Variants in PTPRD observed in about 807,000 individuals in gnomAD.
The protein encoded by PTPRD is protein tyrosine phosphatase receptor type D.
A neutral mutation model predicts 214.5 loss-of-function variants in PTPRD; 34 were observed. The observed-to-expected ratio is 0.16, with a 90% CI of 0.12 to 0.21. PTPRD has a LOEUF of 0.21. PTPRD is among the 10% of genes least tolerant of loss of function. The pLI, the probability that PTPRD is intolerant of heterozygous loss-of-function variation, is 1.00. For missense variants in PTPRD, 2,545 were observed against 2,398.7 expected, an observed-to-expected ratio of 1.06 and a Z score of -1.27; for synonymous variants, 1,128 against 845.7, an observed-to-expected ratio of 1.33 and a Z score of -5.79.
At chr9:8,906,476 A>G (rs896673332) in intron 11 of PTPRD, among the ~76,000 whole-genome samples, 30 of 152,196 alleles carry the variant, frequency 2.0e-4, no homozygotes, top group African/African-American at 7.0e-4. Flanking sequence ...TATCTACCTC[A>G]AGAGGTGATC....
chr9:8,457,245 G>C (rs1020133602), intron 33 of PTPRD, among the ~76,000 whole-genome samples: 2 of 152,232 alleles, frequency 1.3e-5, no homozygotes, highest in African/African-American at 2.4e-5. Flanking sequence ...ACTGGGACTT[G>C]GATTCGGGTT....
At chr9:8,339,490 G>A (rs938313018) in intron 42 of PTPRD, among the ~76,000 whole-genome samples, 8 of 152,100 alleles carry the variant, frequency 5.3e-5, no homozygotes, top group East Asian at 1.9e-4. Context: ...AGAAACCTCC[G>A]AATTGATTTG....
At chr9:8,658,069 G>A (rs1043375772) in intron 12 of PTPRD, among the ~76,000 whole-genome samples, 19 of 152,076 alleles carry the variant, frequency 1.2e-4, no homozygotes, top group African/African-American at 2.9e-4. Context: ...ATCTCTCCCC[G>A]AAATAACTGA....
At chr9:9,472,960 ATTTC>A (rs910993554) in intron 8 of PTPRD, among the ~76,000 whole-genome samples, 20 of 152,154 alleles carry the variant, frequency 1.3e-4, no homozygotes, top group Non-Finnish European at 2.6e-4. Context: ...TATATTTATT[ATTTC>A]TTTGTGTTGT....
At chr9:10,535,780 A>G (rs1321869887) in intron 2 of PTPRD, among the ~76,000 whole-genome samples, 2 of 152,110 alleles carry the variant, frequency 1.3e-5, no homozygotes, top group Non-Finnish European at 2.9e-5. Context: ...TTGAAAATTG[A>G]TATCTAGCCT....
chr9:9,202,962 C>T (rs74654945), intron 9 of PTPRD, among the ~76,000 whole-genome samples: 3 of 152,178 alleles, frequency 2.0e-5, no homozygotes, highest in Admixed American at 6.6e-5. Flanking sequence ...TAATACATCA[C>T]CTTTGTTATC....
intron 5 of PTPRD, among the ~76,000 whole-genome samples, chr9:9,819,489 G>A (rs561821952): frequency 6.6e-6 from 1 of 152,124 alleles, no homozygotes; most frequent in Non-Finnish European, 1.5e-5. Context: ...TTACTTCTGT[G>A]AAGTTTTTAT....
At chr9:8,990,155 AAG>A (rs1415171664) in intron 11 of PTPRD, among the ~76,000 whole-genome samples, 8 of 152,254 alleles carry the variant, frequency 5.3e-5, no homozygotes, top group African/African-American at 1.9e-4. Context: ...CATGCACACT[AAG>A]AGTACAAGTT....
intron 7 of PTPRD, among the ~76,000 whole-genome samples, chr9:9,632,001 A>G (rs998568758): frequency 1.3e-5 from 2 of 152,212 alleles, no homozygotes; most frequent in Non-Finnish European, 2.9e-5. Context: ...AATAAAGTGA[A>G]TTTCTCAAAT....
chr9:10,002,203 T>A (rs1369963447), intron 4 of PTPRD, among the ~76,000 whole-genome samples: 1 of 150,362 alleles, frequency 6.7e-6, no homozygotes, highest in East Asian at 1.9e-4. Flanking sequence ...CAAACTGGTA[T>A]ACTAAAAATG....
At chr9:9,736,009 A>G (rs1436070413) in intron 6 of PTPRD, among the ~76,000 whole-genome samples, 1 of 152,134 alleles carries the variant, frequency 6.6e-6, no homozygotes, top group Admixed American at 6.5e-5. Flanking sequence ...GTTCTGTCAC[A>G]CTGGGTAAGT....
At chr9:8,410,175 T>C (rs891952391) in intron 35 of PTPRD, among the ~76,000 whole-genome samples, 1 of 152,254 alleles carries the variant, frequency 6.6e-6, no homozygotes, top group African/African-American at 2.4e-5. Flanking sequence ...TGGGAAGGGC[T>C]ATATTTTGCA....
chr9:10,300,188 G>A (rs1381162485), intron 3 of PTPRD, among the ~76,000 whole-genome samples: 1 of 152,174 alleles, frequency 6.6e-6, no homozygotes, highest in East Asian at 1.9e-4. Flanking sequence ...ACGTAGTATA[G>A]TTTATAGTTA....
rs1045656543 is a variant in PTPRD, at chr9:9,096,432, C to G, written c.-142-77697G>C. ...TGGAATGCGACATTTTGGTTAAACT[C>G]CAGCACTGAAAATTATTTCCAAGCA... On this transcript the variant is annotated intron_variant, in intron 10 of 45. Transcript: ENST00000381196. Among the ~76,000 whole-genome samples, 9 of 152,216 alleles carry G rather than the reference C, an allele frequency of 5.9e-5. No individual in the cohort carries two copies. In the East Asian group the frequency reaches 1.7e-3, roughly 29 times the overall value.
intron 35 of PTPRD, among the ~76,000 whole-genome samples, chr9:8,428,475 T>G: frequency 6.6e-6 from 1 of 152,150 alleles, no homozygotes; most frequent in East Asian, 1.9e-4. Flanking sequence ...AAAACAATCT[T>G]TTATCTCTTG....
intron 10 of PTPRD, among the ~76,000 whole-genome samples, chr9:9,174,832 A>G (rs1163800741): frequency 1.3e-5 from 2 of 151,980 alleles, no homozygotes; most frequent in Non-Finnish European, 2.9e-5. Context: ...TTTTTTTAAG[A>G]CCGTGAGATT....
chr9:10,591,335 G>T (rs1297338253), intron 2 of PTPRD, among the ~76,000 whole-genome samples: 1 of 152,078 alleles, frequency 6.6e-6, no homozygotes. Flanking sequence ...TTGTGTGACT[G>T]TAAAAAGCAC....
chr9:10,358,189 T>G (rs557165218), intron 2 of PTPRD, among the ~76,000 whole-genome samples: 1 of 152,050 alleles, frequency 6.6e-6, no homozygotes, highest in South Asian at 2.1e-4. Context: ...AAAAATAGCA[T>G]GGTGAGATAA....
intron 9 of PTPRD, among the ~76,000 whole-genome samples, chr9:9,363,565 C>T (rs1420753801): frequency 6.6e-6 from 1 of 151,250 alleles, no homozygotes; most frequent in Non-Finnish European, 1.5e-5. Flanking sequence ...GAGATTGGCT[C>T]TCTGTTCAAA....
Sources: allele counts gnomAD v4.1 joint callset (sites outside exome capture counted in the v4.1 genomes callset), GRCh38; gene constraint gnomAD v4.1.1; transcripts MANE v1.5; gene names NCBI Gene and HGNC (gene_info 2026-07-23, HGNC 2026-07-21).